Variants in DLGAP2 observed in about 807,000 individuals in gnomAD.
The protein encoded by DLGAP2 is disks large-associated protein 2.
DLGAP2 carries 26 observed loss-of-function variants against 100.3 expected under a neutral mutation model. The observed-to-expected ratio is 0.26, with a 90% CI of 0.19 to 0.36. The LOEUF is 0.36. DLGAP2 is among the 10% of genes least tolerant of loss of function. DLGAP2 has a pLI of 1.00. For synonymous variants in DLGAP2, 886 were observed against 630.1 expected (o/e 1.41, Z -6.08); for missense variants, 1,858 against 1,453.2 (o/e 1.28, Z -4.53).
At chr8:1,649,137 G>T (rs1798107362) in intron 8 of DLGAP2, among the ~76,000 whole-genome samples, 1 of 152,184 alleles carries the variant, frequency 6.6e-6, no homozygotes, top group Non-Finnish European at 1.5e-5. Context: ...TTGAATAACT[G>T]CCTTTACCTA....
intron 3 of DLGAP2, among the ~76,000 whole-genome samples, chr8:1,376,814 G>A (rs371955565): frequency 6.6e-6 from 1 of 152,022 alleles, no homozygotes; most frequent in South Asian, 2.1e-4. Context: ...GTCCGCAGGT[G>A]GGGTTCTTCT....
Position 1,628,521 on chromosome 8 carries a change from T to G in DLGAP2, c.1590+1634T>G, listed in dbSNP as rs563547063. On this transcript the variant is annotated intron_variant, in intron 7 of 14. Coordinates refer to ENST00000637795, the MANE Select transcript of DLGAP2 (RefSeq NM_001346810.2). The stretch of plus-strand genomic sequence containing the variant: ...TACTGTGGAGCAGGAATTAAGAGCC[T>G]GAGCTGACCTCACATTCTGTCTGAC... Among the ~76,000 whole-genome samples the G allele has an allele frequency of 1.1e-4, 16 of 149,242 alleles. No homozygotes were observed. In the East Asian group the frequency reaches 1.2e-3, roughly 11 times the overall value.
At chr8:1,503,686 C>A (rs542770432) in intron 4 of DLGAP2, among the ~76,000 whole-genome samples, 1 of 152,218 alleles carries the variant, frequency 6.6e-6, no homozygotes, top group East Asian at 1.9e-4. Flanking sequence ...TTTGAGGAAC[C>A]TCCACACTGC....
intron 2 of DLGAP2, among the ~76,000 whole-genome samples, chr8:1,191,391 T>A (rs111399333): frequency 6.6e-6 from 1 of 152,084 alleles, no homozygotes; most frequent in Non-Finnish European, 1.5e-5. Flanking sequence ...AGGATGGTCT[T>A]GATCTCCTGA....
At chr8:1,196,635 C>G (rs1254232424) in intron 2 of DLGAP2, among the ~76,000 whole-genome samples, 1 of 152,268 alleles carries the variant, frequency 6.6e-6, no homozygotes, top group African/African-American at 2.4e-5. Flanking sequence ...GGGGGTATCT[C>G]TGAGATGAAA....
At chr8:1,250,049 T>G (rs2116878264) in intron 2 of DLGAP2, among the ~76,000 whole-genome samples, 1 of 152,086 alleles carries the variant, frequency 6.6e-6, no homozygotes, top group African/African-American at 2.4e-5. Context: ...CCCGGCTAAT[T>G]TTTGTATTTT....
At chr8:1,210,305 G>T (rs1798077094) in intron 2 of DLGAP2, among the ~76,000 whole-genome samples, 1 of 152,148 alleles carries the variant, frequency 6.6e-6, no homozygotes. Flanking sequence ...TGACAGGGAG[G>T]TTTGGTTGTC....
intron 6 of DLGAP2, among the ~76,000 whole-genome samples, chr8:1,605,270 C>G (rs1400408928): frequency 6.6e-6 from 1 of 152,154 alleles, no homozygotes; most frequent in African/African-American, 2.4e-5. Flanking sequence ...GACACAGCTC[C>G]CTACTACTCA....
At chr8:1,218,086 A>G (rs1798247810) in intron 2 of DLGAP2, among the ~76,000 whole-genome samples, 1 of 152,196 alleles carries the variant, frequency 6.6e-6, no homozygotes, top group African/African-American at 2.4e-5. Flanking sequence ...TCTATGCAGA[A>G]GCTCTTTAAT....
chr8:1,656,529 C>G lies in DLGAP2; in HGVS notation c.1811-11800C>G, dbSNP rs578045863. Among the ~76,000 whole-genome samples the G allele has an allele frequency of 2.0e-5, 3 of 152,218 alleles. No homozygotes were observed. The East Asian group carries it at 5.8e-4, about 29-fold the overall frequency. On this transcript the variant is annotated intron_variant, in intron 8 of 14. Coordinates refer to ENST00000637795, the MANE Select transcript of DLGAP2 (RefSeq NM_001346810.2). ...TCCCCTTCTGACAGTCCTTTTGACT[C>G]CAGATATTTGGGCAATTTTTTCAGA...
chr8:1,427,065 C>T (rs1181646245), intron 3 of DLGAP2, among the ~76,000 whole-genome samples: 2 of 152,074 alleles, frequency 1.3e-5, no homozygotes, highest in Non-Finnish European at 2.9e-5. Context: ...TTTTAATAAA[C>T]TTTAGTTAAG....
rs1196451533 is a variant in DLGAP2, at chr8:856,289, A to G, written c.19-51623A>G. On this transcript the variant is annotated intron_variant, in intron 1 of 14. Coordinates refer to ENST00000637795, the MANE Select transcript of DLGAP2 (RefSeq NM_001346810.2). ...CTACAACCTTCGCCTCCCGGGTTCA[A>G]GCAATTCTCCTGCCTCAGCCTCTTG... Among the ~76,000 whole-genome samples, 3 of 151,426 alleles carry G rather than the reference A, an allele frequency of 2.0e-5. No homozygotes were observed. The East Asian group carries it at 5.8e-4, about 29-fold the overall frequency.
chr8:871,531 C>G (rs568662932), intron 1 of DLGAP2, among the ~76,000 whole-genome samples: 3 of 152,074 alleles, frequency 2.0e-5, no homozygotes, highest in Non-Finnish European at 4.4e-5. Context: ...TGGGATTATC[C>G]AGGTTTAGCA....
intron 2 of DLGAP2, among the ~76,000 whole-genome samples, chr8:1,187,364 C>G (rs1482440331): frequency 1.4e-5 from 2 of 143,512 alleles, no homozygotes; most frequent in South Asian, 2.2e-4. Context: ...CTCACGGAAT[C>G]TCACACGCCC....
At chr8:1,098,900 A>G (rs769016746) in intron 2 of DLGAP2, among the ~76,000 whole-genome samples, 5 of 152,118 alleles carry the variant, frequency 3.3e-5, no homozygotes, top group African/African-American at 7.2e-5. Context: ...ACATCACACA[A>G]ATCACAGAAC....
intron 1 of DLGAP2, among the ~76,000 whole-genome samples, chr8:829,338 A>T (rs921820900): frequency 6.6e-6 from 1 of 152,230 alleles, no homozygotes; most frequent in African/African-American, 2.4e-5. Context: ...CACCTGTCCC[A>T]TTTCATCACC....
intron 2 of DLGAP2, among the ~76,000 whole-genome samples, chr8:911,062 C>A (rs1482359719): frequency 6.6e-6 from 1 of 152,092 alleles, no homozygotes; most frequent in African/African-American, 2.4e-5. Flanking sequence ...TCACAAACAT[C>A]CTTTCATGAC....
intron 10 of DLGAP2, among the ~76,000 whole-genome samples, chr8:1,671,962 T>G (rs1044970964): frequency 3.9e-5 from 6 of 152,258 alleles, no homozygotes; most frequent in African/African-American, 1.4e-4. Flanking sequence ...TGGCCTGACC[T>G]CGCTTTTCTT....
chr8:855,572 C>T (rs1429391977), intron 1 of DLGAP2, among the ~76,000 whole-genome samples: 1 of 152,288 alleles, frequency 6.6e-6, no homozygotes, highest in East Asian at 1.9e-4. Context: ...GGGGATAGGT[C>T]TGTAAAACTG....
Sources: gnomAD v4.1 joint callset for allele counts (sites outside exome capture counted in the v4.1 genomes callset) on GRCh38, gnomAD v4.1.1 for gene constraint, MANE v1.5 for transcripts, NCBI Gene and HGNC (gene_info 2026-07-23, HGNC 2026-07-21) for gene names.